Variants in LECT2 observed in about 807,000 individuals in gnomAD.
LECT2 encodes leukocyte cell derived chemotaxin 2, also known as leukocyte cell-derived chemotaxin-2.
A neutral mutation model predicts 16.6 loss-of-function variants in LECT2; 11 were observed. That is an observed-to-expected ratio of 0.66 (90% confidence interval 0.42 to 1.09). LECT2 has a LOEUF of 1.09. LECT2 is among the 50% of genes least tolerant of loss of function. The probability of loss-of-function intolerance (pLI) is 0.00; values close to 1 mark genes in which losing one functional copy is unlikely to be tolerated. For synonymous variants in LECT2, 54 were observed against 64.8 expected, an observed-to-expected ratio of 0.83 and a Z score of 0.80; for missense variants, 173 against 184.2, an observed-to-expected ratio of 0.94 and a Z score of 0.35.
At chr5:135,951,999 C>G (rs1438263016) in intron 2 of LECT2, among the ~76,000 whole-genome samples, 1 of 152,168 alleles carries the variant, frequency 6.6e-6, no homozygotes, top group Admixed American at 6.5e-5. Flanking sequence ...CCCCTACCTT[C>G]TAATAGGCTG....
intron 1 of LECT2, among the ~76,000 whole-genome samples, chr5:135,953,583 T>C: frequency 6.6e-6 from 1 of 152,252 alleles, no homozygotes; most frequent in East Asian, 1.9e-4. Flanking sequence ...TGTGCTTTTC[T>C]ATTTTTCTTT....
chr5:135,951,966 A>G (rs1763802105), intron 2 of LECT2, among the ~76,000 whole-genome samples: 1 of 152,156 alleles, frequency 6.6e-6, no homozygotes, highest in African/African-American at 2.4e-5. Context: ...CGCTGCTGTC[A>G]CTATGCCTGC....
rs748038665 is a variant in LECT2, at chr5:135,954,783, C to G, written c.46+5G>C. On this transcript the variant is annotated splice_donor_5th_base_variant and intron_variant, in intron 1 of 3. Coordinates refer to ENST00000274507, the MANE Select transcript of LECT2 (RefSeq NM_002302.3). ...CAATATTCTAAAATTGCACTTTCGA[C>G]TTACCGGTAGAAATCAGACCAGCCA... is the stretch of plus-strand genomic sequence containing the variant. The G allele has an allele frequency of 6.2e-7, 1 of 1,610,470 alleles. No individual in the cohort carries two copies. The highest frequency in any genetic ancestry group is 8.5e-7 in the Non-Finnish European group (1 of 1,176,868).
intron 2 of LECT2, 125 bp from the exon 3 acceptor site, chr5:135,951,493 T>G (rs1372186153): frequency 3.4e-6 from 3 of 886,988 alleles, no homozygotes; most frequent in Admixed American, 5.2e-5. Context: ...CAGAACATGT[T>G]GGGATGTCCC....
At chr5:135,949,209 T>G (rs551851945) in intron 3 of LECT2, among the ~76,000 whole-genome samples, 1 of 152,352 alleles carries the variant, frequency 6.6e-6, no homozygotes, top group East Asian at 1.9e-4. Flanking sequence ...AAAATATTAG[T>G]TCTCAATTTG....
chr5:135,952,734 G>C, intron 2 of LECT2, 137 bp downstream of exon 2: 2 of 613,876 alleles, frequency 3.3e-6, no homozygotes, highest in Non-Finnish European at 5.9e-6. Context: ...TCCAAAGACA[G>C]TGATGTAACT....
chr5:135,953,161 G>A, intron 1 of LECT2, 194 bp from the exon 2 acceptor site: 1 of 550,458 alleles, frequency 1.8e-6, no homozygotes, highest in African/African-American at 1.9e-5. Context: ...CTTTTTCCCT[G>A]GCCACAGAAT....
rs192989463 is a variant in LECT2, at chr5:135,951,129, G to C, written c.289+94C>G. On this transcript the variant is annotated intron_variant, in intron 3 of 3. Transcript: ENST00000274507. ...TGTTCCAGGTTTTATCATTTTGAAA[G>C]AAGTACAAAATCTCTACGTATGGAA... The C allele has an allele frequency of 2.3e-5, 28 of 1,203,294 alleles. No homozygotes were observed. The African/African-American group carries it at 3.8e-4, about 16-fold the overall frequency. 74.5% of individuals were successfully genotyped at this position (1,203,294 alleles called of 1,614,324 possible).
chr5:135,952,863 C>T lies in LECT2; in HGVS notation c.143+8G>A, dbSNP rs1341244687. 1.2e-6 allele frequency: 2 copies of T among 1,605,994 alleles called. No homozygotes were observed. Among genetic ancestry groups the T allele is most frequent in the Admixed American group, 3.3e-5 (2 of 59,974 alleles). On this transcript the variant is annotated splice_region_variant and intron_variant, in intron 2 of 3. Transcript: ENST00000274507. ...AAGGGTTGGGTGGGTGGTTGTGCAA[C>T]TTCATACCTTTGAGCAGAGTACTGT... is the stretch of plus-strand genomic sequence containing the variant.
chr5:135,954,212 T>C lies in LECT2; in HGVS notation c.46+576A>G, dbSNP rs536464837. ...CAGAATATGGCCATTAAGCCTCTTCTTTAAAATACTTTTAAAAGGTGGGTT... is the reference window on the plus strand; with the variant it reads ...CAGAATATGGCCATTAAGCCTCTTCCTTAAAATACTTTTAAAAGGTGGGTT... On this transcript the variant is annotated intron_variant, in intron 1 of 3. Coordinates refer to ENST00000274507, the MANE Select transcript of LECT2 (RefSeq NM_002302.3). Among the ~76,000 whole-genome samples, 9 of 152,366 alleles carry C rather than the reference T, an allele frequency of 5.9e-5. No homozygotes were observed. The East Asian group carries it at 1.5e-3, about 26-fold the overall frequency.
chr5:135,952,587 A>G (rs142926689), intron 2 of LECT2, among the ~76,000 whole-genome samples: 108 of 152,282 alleles, frequency 7.1e-4, no homozygotes, highest in South Asian at 5.8e-3. Context: ...AACCCTTTGG[A>G]AAAAAACAGT....
chr5:135,949,734 C>G (rs1046881052), intron 3 of LECT2, among the ~76,000 whole-genome samples: 1 of 152,238 alleles, frequency 6.6e-6, no homozygotes, highest in African/African-American at 2.4e-5. Context: ...TGAACCAATT[C>G]AAGCCTGGGA....
At chr5:135,950,416 G>T (rs1763773033) in intron 3 of LECT2, among the ~76,000 whole-genome samples, 1 of 152,178 alleles carries the variant, frequency 6.6e-6, no homozygotes, top group African/African-American at 2.4e-5. Context: ...TAGAACTTGA[G>T]ATAGTGATTA....
chr5:135,951,201 G>T, intron 3 of LECT2, 22 bp downstream of exon 3: 1 of 1,613,024 alleles, frequency 6.2e-7, no homozygotes, highest in Non-Finnish European at 8.5e-7. Flanking sequence ...GGCACCCCAG[G>T]TGTAGACTCC....
rs774536012 is a variant in LECT2, at chr5:135,951,328, C to T, written c.184G>A (p.Ala62Thr). The change falls in exon 3 of 4, where the codon GCT (alanine) becomes ACT (threonine). Residue 62 changes from alanine (A) to threonine (T), a missense_variant. Transcript: ENST00000274507. ...PHQGVDILCS[A>T]GSTVYAPFTG... ...AATGGTGCGTACACAGTAGATCCAG[C>T]AGAGCACAAGATGTCCACACCCTGG... 3.1e-6 allele frequency: 5 copies of T among 1,613,982 alleles called. 1 individual carries two copies. The South Asian group carries it at 5.5e-5, about 18-fold the overall frequency.
At chr5:135,948,926 C>T (rs1299354923) in intron 3 of LECT2, among the ~76,000 whole-genome samples, 2 of 152,140 alleles carry the variant, frequency 1.3e-5, no homozygotes, top group African/African-American at 2.4e-5. Flanking sequence ...CCATCCACCT[C>T]GGCCTCCCAA....
chr5:135,947,457 ATAC>A lies in LECT2; in HGVS notation c.327_329del (p.Lys109_Tyr110delinsAsn). On this transcript the variant is annotated inframe_deletion, in exon 4 of 4. Coordinates refer to ENST00000274507, the MANE Select transcript of LECT2 (RefSeq NM_002302.3). ...TTTCTCCCTTCTTAATAGGACCTTT[ATAC>A]TTAATTGGCTTAATGTAGAACATTT... 1 of 1,613,926 alleles carries A rather than the reference ATAC, an allele frequency of 6.2e-7. No individual in the cohort carries two copies.
intron 3 of LECT2, 129 bp from the exon 4 acceptor site, chr5:135,947,626 A>T: frequency 1.9e-6 from 2 of 1,051,476 alleles, no homozygotes; most frequent in South Asian, 4.8e-5. Flanking sequence ...ATAGATGAAA[A>T]TGACAAAATG....
chr5:135,952,790 A>C (rs1763813207), intron 2 of LECT2, 81 bp downstream of exon 2: 2 of 919,140 alleles, frequency 2.2e-6, no homozygotes, highest in East Asian at 4.9e-5. Flanking sequence ...TGAGCCCTTG[A>C]GGCAACCAAC....
Sources: gnomAD v4.1 joint callset for allele counts (sites outside exome capture counted in the v4.1 genomes callset) on GRCh38, gnomAD v4.1.1 for gene constraint, MANE v1.5 for transcripts, NCBI Gene and HGNC (gene_info 2026-07-23, HGNC 2026-07-21) for gene names.